CTNNA2: variants seen among roughly 807,000 people sequenced by gnomAD.
CTNNA2 encodes catenin alpha 2, also known as catenin alpha-2.
Under a neutral mutation model 101.0 loss-of-function variants are expected in CTNNA2, and 42 were observed. The observed-to-expected ratio is 0.42, with a 90% confidence interval of 0.32 to 0.54. The LOEUF is 0.54. Ranked by LOEUF, CTNNA2 falls within the 20% of genes least tolerant of loss-of-function variation. The pLI is 0.14. For synonymous variants in CTNNA2, 450 were observed against 456.4 expected, an observed-to-expected ratio of 0.99 and a Z score of 0.18; for missense variants, 871 against 1,223.1, an observed-to-expected ratio of 0.71 and a Z score of 4.29.
intron 2 of CTNNA2, among the ~76,000 whole-genome samples, chr2:79,687,023 G>A (rs1683976618): frequency 6.6e-6 from 1 of 152,114 alleles, no homozygotes. Flanking sequence ...CCAAATCATA[G>A]TCAGACATCA....
intron 4 of CTNNA2, among the ~76,000 whole-genome samples, chr2:79,434,459 TGGA>T (rs1390349083): frequency 2.0e-5 from 3 of 152,184 alleles, no homozygotes; most frequent in African/African-American, 7.2e-5. Flanking sequence ...ATAATCTAGC[TGGA>T]GTTCAAAGGA....
intron 7 of CTNNA2, among the ~76,000 whole-genome samples, chr2:79,984,364 T>A (rs899384925): frequency 6.6e-6 from 1 of 152,142 alleles, no homozygotes; most frequent in African/African-American, 2.4e-5. Flanking sequence ...GGGGCATTGA[T>A]CCAAGTCCTT....
intron 7 of CTNNA2, among the ~76,000 whole-genome samples, chr2:80,155,067 G>A (rs1266933544): frequency 3.3e-5 from 5 of 152,118 alleles, no homozygotes; most frequent in Non-Finnish European, 7.3e-5. Flanking sequence ...TTAATGTCTA[G>A]CTTATTTAAG....
At chr2:79,433,103 G>T (rs1319463099) in intron 4 of CTNNA2, among the ~76,000 whole-genome samples, 3 of 152,178 alleles carry the variant, frequency 2.0e-5, no homozygotes, top group Non-Finnish European at 4.4e-5. Context: ...TTGTTCCAAT[G>T]GCTGGAGTCC....
At chr2:79,813,476 G>T (rs1677211397) in intron 3 of CTNNA2, among the ~76,000 whole-genome samples, 1 of 152,176 alleles carries the variant, frequency 6.6e-6, no homozygotes, top group Non-Finnish European at 1.5e-5. Flanking sequence ...CTGGAAGCCT[G>T]TTCAGAGTTG....
At chr2:79,554,343 T>G (rs893561934) in intron 1 of CTNNA2, among the ~76,000 whole-genome samples, 1 of 152,320 alleles carries the variant, frequency 6.6e-6, no homozygotes, top group Non-Finnish European at 1.5e-5. Flanking sequence ...TTAGTTTGTA[T>G]TAATTGATCA....
chr2:79,245,982 C>T (rs1027632607), intron 2 of CTNNA2, among the ~76,000 whole-genome samples: 1 of 152,180 alleles, frequency 6.6e-6, no homozygotes, highest in African/African-American at 2.4e-5. Flanking sequence ...TTCTGGTGTT[C>T]AGATTCGAAT....
intron 2 of CTNNA2, among the ~76,000 whole-genome samples, chr2:79,233,684 T>A (rs1018869344): frequency 6.6e-6 from 1 of 152,076 alleles, no homozygotes; most frequent in Non-Finnish European, 1.5e-5. Context: ...GTGGCTAAGT[T>A]TTTTTATAAG....
At position 79,795,076 on chromosome 2, in the gene CTNNA2, G is replaced by GA. The variant is rs1372676125; in HGVS notation, c.298+50499dup. 3.3e-5 allele frequency among the ~76,000 whole-genome samples: 5 copies of GA among 152,272 alleles called. No individual in the cohort carries two copies. The South Asian group carries it at 1.0e-3, about 32-fold the overall frequency. ...TTGACAAGCATACTGTCACAATAGT[G>GA]AAAAATATGTGCAATGCTATACTAT... On this transcript the variant is annotated intron_variant, in intron 3 of 18. Coordinates refer to ENST00000402739, the MANE Select transcript of CTNNA2 (RefSeq NM_001282597.3).
intron 3 of CTNNA2, among the ~76,000 whole-genome samples, chr2:79,752,842 G>A (rs183263425): frequency 2.0e-4 from 31 of 152,166 alleles, no homozygotes; most frequent in Admixed American, 7.9e-4. Flanking sequence ...GAAGTATCAG[G>A]GTATATATGA....
At chr2:79,210,247 T>C (rs1358796896) in intron 2 of CTNNA2, among the ~76,000 whole-genome samples, 1 of 152,044 alleles carries the variant, frequency 6.6e-6, no homozygotes, top group Non-Finnish European at 1.5e-5. Context: ...TTGCAAATAG[T>C]AAGAGACTTT....
At chr2:80,602,893 T>C (rs763421957) in intron 15 of CTNNA2, among the ~76,000 whole-genome samples, 1 of 152,080 alleles carries the variant, frequency 6.6e-6, no homozygotes, top group Non-Finnish European at 1.5e-5. Flanking sequence ...TACTGACTAA[T>C]GTAGAAAAAT....
chr2:80,625,007 T>C (rs1467012372), intron 18 of CTNNA2, among the ~76,000 whole-genome samples: 1 of 151,890 alleles, frequency 6.6e-6, no homozygotes, highest in Non-Finnish European at 1.5e-5. Flanking sequence ...GGCAAAATTA[T>C]TTACCTCAAG....
chr2:79,737,217 C>G (rs533044667), intron 2 of CTNNA2, among the ~76,000 whole-genome samples: 1 of 151,966 alleles, frequency 6.6e-6, no homozygotes, highest in African/African-American at 2.4e-5. Flanking sequence ...GGCTTGGTGG[C>G]GGGTGCCTGT....
At chr2:79,276,258 T>A (rs1055757981) in intron 2 of CTNNA2, among the ~76,000 whole-genome samples, 4 of 152,148 alleles carry the variant, frequency 2.6e-5, no homozygotes, top group African/African-American at 9.6e-5. Flanking sequence ...GCATTCTTGC[T>A]TATGTATTTG....
intron 3 of CTNNA2, among the ~76,000 whole-genome samples, chr2:79,806,604 A>G (rs111736634): frequency 5.3e-5 from 8 of 151,946 alleles, no homozygotes; most frequent in Non-Finnish European, 8.8e-5. Flanking sequence ...CCATGTGCAC[A>G]CTACCTCCTC....
Position 79,639,572 on chromosome 2 carries a change from T to G in CTNNA2, c.-5-11980T>G, listed in dbSNP as rs1216849565. On this transcript the variant is annotated intron_variant, in intron 1 of 18. Coordinates refer to ENST00000402739, the MANE Select transcript of CTNNA2 (RefSeq NM_001282597.3). Reference sequence around the variant, plus strand: ...CTGGACATAAGTCCTCATTAAAAGTTTTTTTTTCGTTTAAAATTGGTTGTC... The same window carrying G: ...CTGGACATAAGTCCTCATTAAAAGTGTTTTTTTCGTTTAAAATTGGTTGTC... Among the ~76,000 whole-genome samples the G allele has an allele frequency of 2.6e-5, 4 of 151,852 alleles. No individual in the cohort carries two copies. In the East Asian group the frequency reaches 7.7e-4, roughly 29 times the overall value.
chr2:80,178,990 T>C (rs1382123214), intron 7 of CTNNA2, among the ~76,000 whole-genome samples: 1 of 152,218 alleles, frequency 6.6e-6, no homozygotes, highest in African/African-American at 2.4e-5. Context: ...GTATGATATC[T>C]TGTGGAAGGG....
At position 79,546,573 on chromosome 2, in the gene CTNNA2, A is replaced by G. The variant is rs79984036; in HGVS notation, c.-6+33366A>G. Among the ~76,000 whole-genome samples the G allele has an allele frequency of 1.3e-4, 20 of 152,206 alleles. 1 individual carries two copies. In the East Asian group the frequency reaches 3.9e-3, roughly 29 times the overall value. On this transcript the variant is annotated intron_variant, in intron 1 of 18. Coordinates refer to ENST00000402739, the MANE Select transcript of CTNNA2 (RefSeq NM_001282597.3). ...TCTTTTAATTCTTTCCAATATGCAAATATATTAAAAATAGGTACTAAGAAT... is the reference window on the plus strand; with the variant it reads ...TCTTTTAATTCTTTCCAATATGCAAGTATATTAAAAATAGGTACTAAGAAT...
Sources: allele counts gnomAD v4.1 joint callset (sites outside exome capture counted in the v4.1 genomes callset), GRCh38; gene constraint gnomAD v4.1.1; transcripts MANE v1.5; gene names NCBI Gene and HGNC (gene_info 2026-07-23, HGNC 2026-07-21).